LY75: variants seen among roughly 807,000 people sequenced by gnomAD.
LY75 encodes lymphocyte antigen 75, also known as C-type lectin domain family 13 member B.
In LY75, 185 loss-of-function variants were observed where a neutral mutation model predicts 231.7. The ratio of observed to expected loss-of-function variants is 0.80; its 90% CI spans 0.71 to 0.90. The LOEUF (loss-of-function observed/expected upper bound fraction) is 0.90, where lower values mean the gene tolerates loss of function less well. Ranked by LOEUF, LY75 falls within the 40% of genes least tolerant of loss-of-function variation. The probability of loss-of-function intolerance (pLI) is 0.00; values close to 1 mark genes in which losing one functional copy is unlikely to be tolerated. For synonymous variants in LY75, 668 were observed against 689.0 expected (o/e 0.97, Z 0.48); for missense variants, 1,947 against 2,050.2 (o/e 0.95, Z 0.97).
chr2:159,898,069 G>A (rs994176544), intron 2 of LY75, among the ~76,000 whole-genome samples: 8 of 152,034 alleles, frequency 5.3e-5, no homozygotes, highest in African/African-American at 9.7e-5. Context: ...TTCAAAATCC[G>A]TAGGCAAGAA....
Position 159,807,075 on chromosome 2 carries a change from TCTTA to T in LY75, c.4884_4887del (p.Ser1628ArgfsTer10), listed in dbSNP as rs759703002. 6.2e-7 allele frequency: 1 copy of T among 1,613,946 alleles called. No individual in the cohort carries two copies. The highest frequency in any genetic ancestry group is 8.5e-7 in the Non-Finnish European group (1 of 1,179,940). ...AACATGCTACATCTTCCAACACCAC[TCTTA>T]CTTTTATTTTCCCATTTGACAAATG... is the stretch of plus-strand genomic sequence containing the variant. On this transcript the variant is annotated frameshift_variant, in exon 34 of 35. Coordinates refer to ENST00000263636, the MANE Select transcript of LY75 (RefSeq NM_002349.4). LOFTEE classifies it high-confidence loss of function.
intron 31 of LY75, among the ~76,000 whole-genome samples, chr2:159,812,623 G>A (rs1188816951): frequency 6.6e-6 from 1 of 152,022 alleles, no homozygotes; most frequent in African/African-American, 2.4e-5. Flanking sequence ...GTGTTGCCCA[G>A]GCTGGTCTTG....
At chr2:159,813,878 C>T (rs570824428) in intron 31 of LY75, 3 of 152,158 alleles carry the variant, frequency 2.0e-5, no homozygotes, top group African/African-American at 7.2e-5. Context: ...TTTCTGCATG[C>T]CTTATTTCTC....
At chr2:159,825,506 C>G (rs62175233) in intron 28 of LY75, among the ~76,000 whole-genome samples, 62,103 of 152,046 alleles carry the variant, frequency 0.41, 14,381 homozygotes, top group Non-Finnish European at 0.52. Flanking sequence ...CAGACAGATT[C>G]ACAGCTGAAT....
chr2:159,830,626 G>A (rs923648311), intron 28 of LY75, among the ~76,000 whole-genome samples: 4 of 123,016 alleles, frequency 3.3e-5, no homozygotes, highest in African/African-American at 1.2e-4. Context: ...TTGAGTCTCT[G>A]TTGCCCTGGC....
At chr2:159,863,688 A>G (rs146477647) in intron 14 of LY75, among the ~76,000 whole-genome samples, 2 of 152,262 alleles carry the variant, frequency 1.3e-5, no homozygotes, top group African/African-American at 4.8e-5. Flanking sequence ...ATCTACAGTC[A>G]TGCATTGCAT....
chr2:159,810,076 C>G (rs1236222172), intron 32 of LY75, among the ~76,000 whole-genome samples: 1 of 152,090 alleles, frequency 6.6e-6, no homozygotes, highest in Non-Finnish European at 1.5e-5. Context: ...CTCTGTCACC[C>G]AGGCTGGAGT....
chr2:159,852,419 T>TTG (rs1560081910), intron 20 of LY75, 79 bp from the exon 21 acceptor site: 2 of 1,440,238 alleles, frequency 1.4e-6, no homozygotes, highest in Non-Finnish European at 9.0e-7. Flanking sequence ...TGTGTTTTTT[T>TTG]TTGTTTTTTT....
At chr2:159,819,137 A>T (rs1402250059) in intron 29 of LY75, among the ~76,000 whole-genome samples, 2 of 152,242 alleles carry the variant, frequency 1.3e-5, no homozygotes, top group Non-Finnish European at 2.9e-5. Flanking sequence ...CTCCACCTTT[A>T]CGGGCTCCCA....
chr2:159,819,031 C>G (rs1683206890), intron 29 of LY75, among the ~76,000 whole-genome samples: 1 of 152,148 alleles, frequency 6.6e-6, no homozygotes, highest in Admixed American at 6.5e-5. Context: ...TTTACATGCA[C>G]TCAAAGTAGG....
At chr2:159,828,077 C>T (rs1683532350) in intron 28 of LY75, among the ~76,000 whole-genome samples, 1 of 151,078 alleles carries the variant, frequency 6.6e-6, no homozygotes, top group African/African-American at 2.4e-5. Context: ...GCACGTTCTA[C>T]ACATGTACCC....
In LY75 at chr2:159,852,495, T is replaced by C. The variant is rs544540546; in HGVS notation, c.2744-155A>G. The C allele has an allele frequency of 2.5e-4, 153 of 619,756 alleles. No homozygotes were observed. In the African/African-American group the frequency reaches 2.9e-3, roughly 12 times the overall value. 38.4% of individuals were successfully genotyped at this position (619,756 alleles called of 1,614,324 possible). ...GTGCAGTGGTGCAATGTTGGCTTAC[T>C]GCATCCTCCACCTCCCAGATTCAAG... is the stretch of plus-strand genomic sequence containing the variant. On this transcript the variant is annotated intron_variant, in intron 20 of 34. Coordinates refer to ENST00000263636, the MANE Select transcript of LY75 (RefSeq NM_002349.4).
rs538623474 is a variant in LY75, at chr2:159,831,757, C to T, written c.3871G>A (p.Asp1291Asn). 1.2e-6 allele frequency: 2 copies of T among 1,611,366 alleles called. No individual in the cohort carries two copies. Among genetic ancestry groups the T allele is most frequent in the African/African-American group, 2.7e-5 (2 of 74,924 alleles). The change falls in exon 28 of 35, where the codon GAT becomes AAT. Residue 1291 changes from aspartate (D) to asparagine (N), a missense_variant. Physicochemically the swap from Asp to Asn is conservative, Grantham distance 23. Transcript: ENST00000263636. ...AGAACAAAGTTATTCTCCTTTTCATCTCGAATACTCAGAATATGTGATTTT... is the reference window on the plus strand; with the variant it reads ...AGAACAAAGTTATTCTCCTTTTCATTTCGAATACTCAGAATATGTGATTTT... Reference protein sequence around the residue: ...NPKSHILSIRDEKENNFVLEQ... With the variant: ...NPKSHILSIRNEKENNFVLEQ...
intron 3 of LY75, among the ~76,000 whole-genome samples, chr2:159,890,954 T>C (rs939058711): frequency 9.2e-5 from 14 of 152,192 alleles, no homozygotes; most frequent in African/African-American, 3.4e-4. Context: ...TGTATATATG[T>C]GCATAGAAAC....
At chr2:159,894,410 A>AG (rs756301580) in intron 2 of LY75, among the ~76,000 whole-genome samples, 4 of 152,212 alleles carry the variant, frequency 2.6e-5, no homozygotes, top group Non-Finnish European at 5.9e-5. Context: ...TGATCAGGTG[A>AG]GGGTCTACTA....
rs1682728974 is a variant in LY75 at position 159,804,095 on chromosome 2, A to G, written c.*949T>C. The G allele has an allele frequency of 6.6e-6, 1 of 152,246 alleles. No homozygotes were observed. 9.4% of individuals were successfully genotyped at this position (152,246 alleles called of 1,614,324 possible). On this transcript the variant is annotated 3_prime_UTR_variant, in exon 35 of 35. Transcript: ENST00000263636. ...GAAAATGTTAAGCACTAAATCTTTAAAAGTCATTGTTTTATAAACAATTAT... is the reference window on the plus strand; with the variant it reads ...GAAAATGTTAAGCACTAAATCTTTAGAAGTCATTGTTTTATAAACAATTAT...
intron 4 of LY75, among the ~76,000 whole-genome samples, chr2:159,887,853 T>C (rs1685641117): frequency 6.6e-6 from 1 of 152,174 alleles, no homozygotes. Context: ...AACTGATGCA[T>C]AAAGAATCGT....
chr2:159,877,468 T>C (rs1685310910), intron 11 of LY75, among the ~76,000 whole-genome samples: 1 of 152,234 alleles, frequency 6.6e-6, no homozygotes, highest in African/African-American at 2.4e-5. Flanking sequence ...CTCTGTTTTC[T>C]TAACTCTAAA....
intron 8 of LY75, among the ~76,000 whole-genome samples, 185 bp downstream of exon 8, chr2:159,880,898 G>A (rs894328195): frequency 3.3e-5 from 5 of 152,174 alleles, no homozygotes; most frequent in Non-Finnish European, 7.3e-5. Flanking sequence ...TTGCTTACCC[G>A]CCGCTCACCT....
Sources: allele counts gnomAD v4.1 joint callset (sites outside exome capture counted in the v4.1 genomes callset), GRCh38; gene constraint gnomAD v4.1.1; transcripts MANE v1.5; gene names NCBI Gene and HGNC (gene_info 2026-07-23, HGNC 2026-07-21).